SERINC5: variants seen among roughly 807,000 people sequenced by gnomAD.
SERINC5 encodes serine incorporator 5.
A neutral mutation model predicts 63.1 loss-of-function variants in SERINC5; 41 were observed. The observed-to-expected ratio is 0.65, with a 90% CI of 0.51 to 0.84. SERINC5 has a LOEUF of 0.84. SERINC5 is among the 40% of genes least tolerant of loss of function. The pLI, the probability that SERINC5 is intolerant of heterozygous loss-of-function variation, is 0.00. For missense variants in SERINC5, 523 were observed against 573.0 expected, an observed-to-expected ratio of 0.91 and a Z score of 0.89; for synonymous variants, 222 against 215.2, an observed-to-expected ratio of 1.03 and a Z score of -0.28.
At chr5:80,162,878 G>T (rs1426602507) in intron 7 of SERINC5, among the ~76,000 whole-genome samples, 3 of 150,378 alleles carry the variant, frequency 2.0e-5, no homozygotes, top group Admixed American at 6.6e-5. Flanking sequence ...TCACTCTGTT[G>T]TCCAGGCTGG....
intron 1 of SERINC5, among the ~76,000 whole-genome samples, chr5:80,230,335 G>A (rs1390590754): frequency 8.6e-5 from 13 of 151,494 alleles, no homozygotes; most frequent in South Asian, 2.1e-4. Context: ...GAAGTGTGGT[G>A]GCATGCACCA....
At chr5:80,216,215 G>A (rs1478738043) in intron 1 of SERINC5, among the ~76,000 whole-genome samples, 2 of 152,008 alleles carry the variant, frequency 1.3e-5, no homozygotes, top group Admixed American at 1.3e-4. Context: ...TTCTTGTCGG[G>A]GGCTGACCTG....
chr5:80,158,675 C>T (rs1050023492), intron 8 of SERINC5, 161 bp downstream of exon 8: 19 of 608,908 alleles, frequency 3.1e-5, no homozygotes, highest in South Asian at 1.8e-4. Flanking sequence ...GTAAGGTGAA[C>T]GAAGTTCAAA....
intron 1 of SERINC5, among the ~76,000 whole-genome samples, chr5:80,254,713 CAG>C (rs1333334955): frequency 6.6e-6 from 1 of 152,012 alleles, no homozygotes; most frequent in Non-Finnish European, 1.5e-5. Context: ...CTGCCTGACA[CAG>C]GGAAAAAAAA....
chr5:80,211,152 C>T (rs1337949428), intron 1 of SERINC5, among the ~76,000 whole-genome samples: 1 of 152,146 alleles, frequency 6.6e-6, no homozygotes, highest in Non-Finnish European at 1.5e-5. Flanking sequence ...AGAAAAGCAA[C>T]CAAAAGGAGA....
At position 80,139,982 on chromosome 5, in the gene SERINC5, A is replaced by G. The variant is rs570284458; in HGVS notation, c.*3681T>C. The G allele has an allele frequency of 1.0e-6, 1 of 985,426 alleles. No homozygotes were observed. The highest frequency in any genetic ancestry group is 1.7e-5 in the African/African-American group (1 of 57,368). The allele number at this position is 985,426 out of a possible 1,614,324, so 61.0% of individuals were successfully genotyped here. On this transcript the variant is annotated 3_prime_UTR_variant, in exon 12 of 12. Transcript: ENST00000507668. ...ATACAGGCTCTGGAATTTCCTTCGC[A>G]GGAAGGTGAAGCACCAATGATGGCA... is the stretch of plus-strand genomic sequence containing the variant.
At chr5:80,175,977 G>C (rs973432366) in intron 4 of SERINC5, among the ~76,000 whole-genome samples, 1 of 151,468 alleles carries the variant, frequency 6.6e-6, no homozygotes, top group Admixed American at 6.6e-5. Context: ...TCAGGAGTTT[G>C]AGACCAGACT....
At chr5:80,240,660 A>G (rs1263615065) in intron 1 of SERINC5, among the ~76,000 whole-genome samples, 1 of 152,208 alleles carries the variant, frequency 6.6e-6, no homozygotes, top group African/African-American at 2.4e-5. Flanking sequence ...TAAAATAAAC[A>G]TTTGTATGAT....
intron 2 of SERINC5, among the ~76,000 whole-genome samples, chr5:80,195,384 A>G (rs1749439730): frequency 6.6e-6 from 1 of 152,208 alleles, no homozygotes; most frequent in Non-Finnish European, 1.5e-5. Context: ...AATTTATACA[A>G]ATTTTAAAAA....
At chr5:80,234,809 A>G (rs942006304) in intron 1 of SERINC5, among the ~76,000 whole-genome samples, 4 of 152,110 alleles carry the variant, frequency 2.6e-5, no homozygotes, top group African/African-American at 7.2e-5. Flanking sequence ...TGGAAACCAT[A>G]ATTGGGTTCA....
At chr5:80,152,043 G>A (rs1341296610) in intron 8 of SERINC5, among the ~76,000 whole-genome samples, 5 of 152,134 alleles carry the variant, frequency 3.3e-5, no homozygotes, top group Admixed American at 2.0e-4. Flanking sequence ...TTCTTTTGTG[G>A]TCCACTCAAG....
At chr5:80,134,852 G>A (rs190111062), downstream of SERINC5, among the ~76,000 whole-genome samples, 1 of 152,342 alleles carries the variant, frequency 6.6e-6, no homozygotes, top group East Asian at 1.9e-4. Flanking sequence ...CAGAGAGGGA[G>A]CGTATCTTAA....
chr5:80,166,646 T>C (rs1252514790), intron 6 of SERINC5, 168 bp from the exon 7 acceptor site: 1 of 517,400 alleles, frequency 1.9e-6, no homozygotes, highest in Non-Finnish European at 3.5e-6. Flanking sequence ...ACTAAAAAGA[T>C]ATTAAGGGGG....
intron 11 of SERINC5, among the ~76,000 whole-genome samples, chr5:80,145,623 T>C (rs1745767735): frequency 1.3e-5 from 2 of 152,240 alleles, no homozygotes; most frequent in South Asian, 4.1e-4. Context: ...TTCCTATTTT[T>C]CCTTCATTAC....
intron 8 of SERINC5, among the ~76,000 whole-genome samples, chr5:80,153,575 A>G (rs1326600733): frequency 6.6e-6 from 1 of 152,112 alleles, no homozygotes; most frequent in Non-Finnish European, 1.5e-5. Flanking sequence ...AATTGCTATA[A>G]AACAATTCCT....
intron 1 of SERINC5, among the ~76,000 whole-genome samples, chr5:80,240,087 G>A (rs1010675750): frequency 2.6e-5 from 4 of 152,136 alleles, no homozygotes; most frequent in South Asian, 2.1e-4. Context: ...GATATGTTAC[G>A]GAACAATTAG....
At chr5:80,203,540 G>A (rs1397126469) in intron 1 of SERINC5, among the ~76,000 whole-genome samples, 1 of 151,786 alleles carries the variant, frequency 6.6e-6, no homozygotes, top group East Asian at 1.9e-4. Context: ...AGCCAGGCAT[G>A]GTGGCACAAA....
chr5:80,251,232 T>C (rs1752397100), intron 1 of SERINC5, among the ~76,000 whole-genome samples: 1 of 151,940 alleles, frequency 6.6e-6, no homozygotes, highest in South Asian at 2.1e-4. Context: ...TGAGCTATGA[T>C]TGAGCCACTG....
intron 1 of SERINC5, among the ~76,000 whole-genome samples, chr5:80,224,846 A>C (rs1751091720): frequency 6.6e-6 from 1 of 151,952 alleles, no homozygotes; most frequent in African/African-American, 2.4e-5. Context: ...GGCTGGTCTC[A>C]ACCTCCTGAC....
Sources: allele counts gnomAD v4.1 joint callset (sites outside exome capture counted in the v4.1 genomes callset), GRCh38; gene constraint gnomAD v4.1.1; transcripts MANE v1.5; gene names NCBI Gene and HGNC (gene_info 2026-07-23, HGNC 2026-07-21).